The following PTPRD variants were observed in gnomAD, a reference collection of about 807,000 sequenced individuals.
PTPRD encodes the protein protein tyrosine phosphatase receptor type D.
PTPRD carries 34 observed loss-of-function variants against 214.5 expected under a neutral mutation model. The observed-to-expected ratio is 0.16, with a 90% confidence interval of 0.12 to 0.21. The LOEUF (loss-of-function observed/expected upper bound fraction) is 0.21. Ranked by LOEUF, PTPRD falls within the 10% of genes least tolerant of loss-of-function variation. PTPRD has a pLI of 1.00. For synonymous variants in PTPRD, 1,128 were observed against 845.7 expected, an observed-to-expected ratio of 1.33 and a Z score of -5.79; for missense variants, 2,545 against 2,398.7, an observed-to-expected ratio of 1.06 and a Z score of -1.27.
In PTPRD at chr9:9,239,264, G is replaced by A. The variant is rs902033881; in HGVS notation, c.-202-55901C>T. ...GTAGAAACTAACTCAAAGGCTTTTG[G>A]TTCATGTGATATGAGATAATCCTTG... On this transcript the variant is annotated intron_variant, in intron 9 of 45. Coordinates refer to ENST00000381196, the MANE Select transcript of PTPRD (RefSeq NM_002839.4). Among the ~76,000 whole-genome samples the A allele has an allele frequency of 2.6e-5, 4 of 151,610 alleles. No individual in the cohort carries two copies. The South Asian group carries it at 6.2e-4, about 24-fold the overall frequency.
At chr9:9,186,032 T>C (rs1046509801) in intron 9 of PTPRD, among the ~76,000 whole-genome samples, 4 of 152,068 alleles carry the variant, frequency 2.6e-5, no homozygotes, top group African/African-American at 7.2e-5. Context: ...CCATGCATAA[T>C]GTCTAGGTCA....
intron 6 of PTPRD, among the ~76,000 whole-genome samples, chr9:9,747,047 A>C (rs1244374852): frequency 2.0e-5 from 3 of 152,186 alleles, no homozygotes; most frequent in African/African-American, 7.2e-5. Context: ...AGGAAACAAT[A>C]GCAGGAAATA....
At chr9:8,916,715 G>A (rs1230042182) in intron 11 of PTPRD, among the ~76,000 whole-genome samples, 1 of 152,146 alleles carries the variant, frequency 6.6e-6, no homozygotes, top group African/African-American at 2.4e-5. Context: ...GCATTTGAAT[G>A]AATACTTCCT....
chr9:8,798,972 T>C (rs1236599560), intron 11 of PTPRD, among the ~76,000 whole-genome samples: 1 of 152,150 alleles, frequency 6.6e-6, no homozygotes, highest in Non-Finnish European at 1.5e-5. Flanking sequence ...CCTGCTTTCC[T>C]TACAGGGTTA....
At chr9:8,506,367 T>C (rs2097543187) in intron 22 of PTPRD, among the ~76,000 whole-genome samples, 1 of 152,156 alleles carries the variant, frequency 6.6e-6, no homozygotes, top group African/African-American at 2.4e-5. Flanking sequence ...TTAACAATAA[T>C]AAAAGAAACA....
In PTPRD at chr9:8,762,399, A is replaced by G. The variant is rs141154698; in HGVS notation, c.-103-28453T>C. ...GAAATATTTAAAGCATGCAGAAGTC[A>G]GCTATGTTGATAGAATACAGATTTA... On this transcript the variant is annotated intron_variant, in intron 11 of 45. Coordinates refer to ENST00000381196, the MANE Select transcript of PTPRD (RefSeq NM_002839.4). Among the ~76,000 whole-genome samples the G allele has an allele frequency of 3.6e-3, 552 of 152,338 alleles. 2 individuals are homozygous for G. The highest frequency in any genetic ancestry group is 0.013 in the African/African-American group (535 of 41,576).
rs1012755927 is a variant in PTPRD, at chr9:9,486,314, G to A, written c.-237+88418C>T. 6.6e-5 allele frequency among the ~76,000 whole-genome samples: 10 copies of A among 151,926 alleles called. No individual in the cohort carries two copies. The East Asian group carries it at 1.9e-3, about 29-fold the overall frequency. ...AACAAGGATGGATTGTTAGGCTGCT[G>A]TTTCAGTCTCTTTTCCACCCCATCA... On this transcript the variant is annotated intron_variant, in intron 8 of 45. Coordinates refer to ENST00000381196, the MANE Select transcript of PTPRD (RefSeq NM_002839.4).
intron 11 of PTPRD, among the ~76,000 whole-genome samples, chr9:8,966,915 A>G (rs1471324114): frequency 2.1e-5 from 3 of 145,028 alleles, no homozygotes; most frequent in Non-Finnish European, 4.4e-5. Context: ...AACAAGCAAA[A>G]ACAAACAAAC....
At chr9:9,168,066 G>A (rs965843764) in intron 10 of PTPRD, among the ~76,000 whole-genome samples, 3 of 152,070 alleles carry the variant, frequency 2.0e-5, no homozygotes, top group African/African-American at 4.8e-5. Flanking sequence ...ACCGCCCATG[G>A]GCTAAATCTG....
intron 10 of PTPRD, among the ~76,000 whole-genome samples, chr9:9,114,288 T>C (rs374356171): frequency 9.4e-4 from 143 of 152,280 alleles, no homozygotes; most frequent in African/African-American, 3.4e-3. Flanking sequence ...TATGTCTGTG[T>C]ATGTATCCTG....
chr9:10,344,739 C>T (rs768373695), intron 2 of PTPRD, among the ~76,000 whole-genome samples: 10 of 152,078 alleles, frequency 6.6e-5, no homozygotes, highest in Non-Finnish European at 1.3e-4. Flanking sequence ...ATTGGTCCTT[C>T]ACATCCCTGG....
At chr9:8,323,469 TA>T (rs1410371951) in intron 44 of PTPRD, among the ~76,000 whole-genome samples, 1 of 152,216 alleles carries the variant, frequency 6.6e-6, no homozygotes, top group African/African-American at 2.4e-5. Flanking sequence ...TATATGCCAT[TA>T]AAAACATTTG....
chr9:9,768,488 G>C (rs960332159), intron 5 of PTPRD, among the ~76,000 whole-genome samples: 2 of 151,976 alleles, frequency 1.3e-5, no homozygotes, highest in Admixed American at 1.3e-4. Context: ...CTCTTATTAT[G>C]TTCAAATTAA....
intron 8 of PTPRD, among the ~76,000 whole-genome samples, chr9:9,413,755 GGGA>G (rs1229777096): frequency 6.6e-6 from 1 of 152,164 alleles, no homozygotes; most frequent in Non-Finnish European, 1.5e-5. Context: ...GCACAGGAGA[GGGA>G]TATCTGTCTC....
At chr9:10,328,208 C>A (rs2096680324) in intron 3 of PTPRD, among the ~76,000 whole-genome samples, 1 of 151,782 alleles carries the variant, frequency 6.6e-6, no homozygotes, top group South Asian at 2.1e-4. Flanking sequence ...CTCTTAGTAG[C>A]TCAGAGACAC....
chr9:9,139,999 C>A (rs915436463), intron 10 of PTPRD, among the ~76,000 whole-genome samples: 17 of 151,812 alleles, frequency 1.1e-4, no homozygotes, highest in Admixed American at 8.5e-4. Context: ...TGTATATATA[C>A]CTCCCGCTGT....
intron 10 of PTPRD, among the ~76,000 whole-genome samples, chr9:9,084,739 G>A (rs1194043261): frequency 6.6e-6 from 1 of 152,008 alleles, no homozygotes; most frequent in Non-Finnish European, 1.5e-5. Flanking sequence ...TGGGCAAGGT[G>A]CTTAGAGAAG....
At chr9:10,255,012 T>C (rs139940898) in intron 3 of PTPRD, among the ~76,000 whole-genome samples, 215 of 152,332 alleles carry the variant, frequency 1.4e-3, no homozygotes, top group South Asian at 2.9e-3. Context: ...CTTCAATATA[T>C]GTTTAGAAAA....
intron 3 of PTPRD, among the ~76,000 whole-genome samples, chr9:10,247,678 A>G (rs1322057211): frequency 6.6e-6 from 1 of 152,138 alleles, no homozygotes; most frequent in Non-Finnish European, 1.5e-5. Flanking sequence ...AAATTCATAC[A>G]TCTCACTGTT....
Sources: allele counts gnomAD v4.1 joint callset (sites outside exome capture counted in the v4.1 genomes callset), GRCh38; gene constraint gnomAD v4.1.1; transcripts MANE v1.5; gene names NCBI Gene and HGNC (gene_info 2026-07-23, HGNC 2026-07-21).